Variants in DGKB observed in about 807,000 individuals in gnomAD.
DGKB encodes the protein diacylglycerol kinase beta.
A neutral mutation model predicts 114.3 loss-of-function variants in DGKB; 67 were observed. That is an observed-to-expected ratio of 0.59 (90% CI 0.48 to 0.72). DGKB has a LOEUF of 0.72. Among genes scored for constraint, DGKB ranks in the 30% least tolerant of loss-of-function variants. The pLI, the probability that DGKB is intolerant of heterozygous loss-of-function variation, is 0.00. For synonymous variants in DGKB, 398 were observed against 323.1 expected, an observed-to-expected ratio of 1.23 and a Z score of -2.49; for missense variants, 907 against 975.2, an observed-to-expected ratio of 0.93 and a Z score of 0.93.
chr7:14,924,569 T>C (rs1251978247), intron 1 of DGKB, among the ~76,000 whole-genome samples: 1 of 152,218 alleles, frequency 6.6e-6, no homozygotes, highest in East Asian at 1.9e-4. Flanking sequence ...GCATTCTTGA[T>C]GACTTGGTCA....
intron 23 of DGKB, among the ~76,000 whole-genome samples, chr7:14,320,668 G>A (rs1172845377): frequency 6.6e-6 from 1 of 151,844 alleles, no homozygotes; most frequent in Non-Finnish European, 1.5e-5. Flanking sequence ...TTACAGGGCT[G>A]CTTGCATTTC....
intron 1 of DGKB, among the ~76,000 whole-genome samples, chr7:14,899,200 C>T (rs1205419345): frequency 6.6e-6 from 1 of 152,110 alleles, no homozygotes; most frequent in Non-Finnish European, 1.5e-5. Context: ...ATGGCTTTTG[C>T]TTCCTGGCAA....
At chr7:14,710,615 A>C (rs1447639954) in intron 6 of DGKB, among the ~76,000 whole-genome samples, 2 of 152,114 alleles carry the variant, frequency 1.3e-5, no homozygotes, top group African/African-American at 4.8e-5. Context: ...TTAAATATAA[A>C]GTTTGATGGG....
chr7:14,660,920 C>G (rs1196414026), intron 13 of DGKB, among the ~76,000 whole-genome samples: 1 of 151,586 alleles, frequency 6.6e-6, no homozygotes, highest in Non-Finnish European at 1.5e-5. Context: ...ACTATCTGAT[C>G]TTTGACAAAC....
intron 20 of DGKB, among the ~76,000 whole-genome samples, chr7:14,513,934 C>T (rs1326570902): frequency 6.6e-6 from 1 of 151,906 alleles, no homozygotes; most frequent in African/African-American, 2.4e-5. Context: ...GCTGGTATTG[C>T]TTTTGGTCTA....
chr7:14,763,842 T>C (rs979580283), intron 2 of DGKB, among the ~76,000 whole-genome samples: 1 of 152,192 alleles, frequency 6.6e-6, no homozygotes, highest in East Asian at 1.9e-4. Context: ...GTGGACTGAC[T>C]GTAAGTTCAT....
intron 23 of DGKB, among the ~76,000 whole-genome samples, chr7:14,251,271 C>A (rs1795197892): frequency 6.6e-6 from 1 of 151,946 alleles, no homozygotes; most frequent in African/African-American, 2.4e-5. Flanking sequence ...TGATTCATTT[C>A]TCTTTTGTGT....
chr7:14,822,729 C>T (rs1246764261), intron 2 of DGKB, among the ~76,000 whole-genome samples: 1 of 152,092 alleles, frequency 6.6e-6, no homozygotes, highest in Non-Finnish European at 1.5e-5. Flanking sequence ...TCCTTGAAAT[C>T]AATCAACTTT....
intron 5 of DGKB, among the ~76,000 whole-genome samples, chr7:14,735,599 A>C (rs2128399618): frequency 6.6e-6 from 1 of 152,336 alleles, no homozygotes; most frequent in South Asian, 2.1e-4. Flanking sequence ...TACAGTATCT[A>C]AAAGAAAAAT....
At chr7:14,385,057 G>A (rs1323670732) in intron 21 of DGKB, among the ~76,000 whole-genome samples, 1 of 152,164 alleles carries the variant, frequency 6.6e-6, no homozygotes, top group African/African-American at 2.4e-5. Context: ...CTTGGTGGTG[G>A]AGGTTTTGCT....
rs143408082 is a variant in DGKB, at chr7:14,381,255, CTT to C, written c.1836-35866_1836-35865del. Among the ~76,000 whole-genome samples the C allele has an allele frequency of 8.6e-3, 1,310 of 152,244 alleles. 22 individuals carry two copies. Among genetic ancestry groups the C allele is most frequent in the African/African-American group, 0.03 (1,260 of 41,544 alleles). Reference sequence around the variant, plus strand: ...GCAAGTAGGTCAGGGTGATTTAAAACTTTTTAAAATACATAGGAATGTGCTAT... The same window carrying C: ...GCAAGTAGGTCAGGGTGATTTAAAACTTTAAAATACATAGGAATGTGCTAT... On this transcript the variant is annotated intron_variant, in intron 21 of 25. Coordinates refer to ENST00000402815, the MANE Select transcript of DGKB (RefSeq NM_001350709.2).
chr7:14,443,841 G>A (rs953319284), intron 21 of DGKB, among the ~76,000 whole-genome samples: 1 of 151,922 alleles, frequency 6.6e-6, no homozygotes, highest in South Asian at 2.1e-4. Flanking sequence ...TGTAAATTCA[G>A]CAACATTTTT....
chr7:14,150,461 T>C (rs1334333533), intron 25 of DGKB, among the ~76,000 whole-genome samples: 2 of 152,058 alleles, frequency 1.3e-5, no homozygotes, highest in Non-Finnish European at 2.9e-5. Context: ...GAAATGGAAA[T>C]TTACTTCACA....
chr7:14,603,718 G>T (rs1254105055), intron 17 of DGKB, among the ~76,000 whole-genome samples: 2 of 152,054 alleles, frequency 1.3e-5, no homozygotes, highest in Non-Finnish European at 2.9e-5. Flanking sequence ...TCTAAGAGCA[G>T]CTTTCTCACA....
intron 21 of DGKB, among the ~76,000 whole-genome samples, chr7:14,448,660 T>C (rs1831050798): frequency 6.6e-6 from 1 of 152,100 alleles, no homozygotes. Context: ...AGTAATTTAC[T>C]TTTCATAACA....
At chr7:14,388,723 C>A (rs932153222) in intron 21 of DGKB, among the ~76,000 whole-genome samples, 1 of 151,998 alleles carries the variant, frequency 6.6e-6, no homozygotes. Context: ...TTTAAAAATT[C>A]TTTCAGGAAG....
intron 12 of DGKB, among the ~76,000 whole-genome samples, chr7:14,673,306 C>T (rs1415851650): frequency 6.6e-6 from 1 of 151,664 alleles, no homozygotes; most frequent in Non-Finnish European, 1.5e-5. Context: ...ACCAAAGAAC[C>T]CTGATTTCTT....
intron 20 of DGKB, among the ~76,000 whole-genome samples, chr7:14,503,029 C>T (rs1205059221): frequency 6.6e-6 from 1 of 152,046 alleles, no homozygotes; most frequent in Non-Finnish European, 1.5e-5. Flanking sequence ...TGACTTTCTG[C>T]CTTCACTCCA....
In DGKB at chr7:14,701,077, C is replaced by A. The variant is rs1825083838; in HGVS notation, c.516+604G>T. ...TATTACAAATAAACGTTTAATTATTCCCTTCAGTTAATCATATAAAGATGG... is the reference window on the plus strand; with the variant it reads ...TATTACAAATAAACGTTTAATTATTACCTTCAGTTAATCATATAAAGATGG... On this transcript the variant is annotated intron_variant, in intron 7 of 25. Transcript: ENST00000402815. Among the ~76,000 whole-genome samples, 3 of 150,448 alleles carry A rather than the reference C, an allele frequency of 2.0e-5. No homozygotes were observed. The Admixed American group carries it at 2.0e-4, about 10-fold the overall frequency.
Sources: gnomAD v4.1 joint callset for allele counts (sites outside exome capture counted in the v4.1 genomes callset) on GRCh38, gnomAD v4.1.1 for gene constraint, MANE v1.5 for transcripts, NCBI Gene and HGNC (gene_info 2026-07-23, HGNC 2026-07-21) for gene names.